The following ALG12 variants were observed in gnomAD, a reference collection of about 807,000 sequenced individuals.
The protein encoded by ALG12 is dol-P-Man:Man(7)GlcNAc(2)-PP-Dol alpha-1,6-mannosyltransferase.
Under a neutral mutation model 46.0 loss-of-function variants are expected in ALG12, and 36 were observed. The ratio of observed to expected loss-of-function variants is 0.78; its 90% CI spans 0.60 to 1.03. The LOEUF is 1.03. Among genes scored for constraint, ALG12 ranks in the 50% least tolerant of loss-of-function variants. ALG12 has a pLI of 0.00. For missense variants in ALG12, 599 were observed against 633.5 expected, an observed-to-expected ratio of 0.95 and a Z score of 0.58; for synonymous variants, 326 against 291.6, an observed-to-expected ratio of 1.12 and a Z score of -1.20.
intron 7 of ALG12, 151 bp from the exon 8 acceptor site, chr22:49,904,657 G>T: frequency 1.2e-6 from 1 of 867,118 alleles, no homozygotes; most frequent in South Asian, 1.5e-5. Flanking sequence ...TCAGTAACCC[G>T]TAAAAGTGGT....
Position 49,901,312 on chromosome 22 carries a change from G to T in ALG12, c.*2526C>A, listed in dbSNP as rs562652921. Reference sequence around the variant, plus strand: ...CACCATCTGGCCTCTGTGGGAGTCAGGAAGTGTCTGCACAGATGTTCGCCA... The same window carrying T: ...CACCATCTGGCCTCTGTGGGAGTCATGAAGTGTCTGCACAGATGTTCGCCA... On this transcript the variant is annotated 3_prime_UTR_variant, in exon 10 of 10. Coordinates refer to ENST00000330817, the MANE Select transcript of ALG12 (RefSeq NM_024105.4). 2.0e-5 allele frequency: 3 copies of T among 152,284 alleles called. No individual in the cohort carries two copies. Among genetic ancestry groups the T allele is most frequent in the Non-Finnish European group, 2.9e-5 (2 of 68,060 alleles). 9.4% of individuals were successfully genotyped at this position (152,284 alleles called of 1,614,324 possible). A position where few individuals can be genotyped will look rare whatever the true frequency, so the allele number is the denominator to read the frequency against.
At chr22:49,874,750 G>C in the ALG12 span, among the ~76,000 whole-genome samples, 1 of 126,732 alleles carries the variant, frequency 7.9e-6, no homozygotes, top group African/African-American at 3.2e-5. Context: ...CTCGATCTCA[G>C]CTCACTGCAC....
At chr22:49,868,074 T>C in the ALG12 span, among the ~76,000 whole-genome samples, 1,032 of 152,340 alleles carry the variant, frequency 6.8e-3, 9 homozygotes, top group African/African-American at 0.023. Flanking sequence ...GGTTCGTAGG[T>C]TGAACCGTCA....
At chr22:49,896,112 T>A (rs1021129690), downstream of ALG12, among the ~76,000 whole-genome samples, 5 of 152,212 alleles carry the variant, frequency 3.3e-5, no homozygotes, top group Admixed American at 2.6e-4. Context: ...TCCTGCACAG[T>A]CTGTTAACAG....
At position 49,910,454 on chromosome 22, in the gene ALG12, T is replaced by C. The variant is rs2060570009; in HGVS notation, c.449A>G (p.Asn150Ser). Residue 150 changes from asparagine (N) to serine (S), a missense_variant, in exon 4 of 10, where the codon AAT becomes AGT. Coordinates refer to ENST00000330817, the MANE Select transcript of ALG12 (RefSeq NM_024105.4). ...CGTACCTACAGGCAGGGCCAGCACA[T>C]TGGGCAGTGTCCGCGTGCAGTAGAA... ...LMFYCTRTLP[N>S]VLALPVVLLA... 3 of 1,613,450 alleles carry C rather than the reference T, an allele frequency of 1.9e-6. No homozygotes were observed. Among genetic ancestry groups the C allele is most frequent in the Admixed American group, 3.3e-5 (2 of 59,998 alleles).
At position 49,905,699 on chromosome 22, in the gene ALG12, A is replaced by T. The variant is rs1013526079; in HGVS notation, c.993-1193T>A. 2.6e-5 allele frequency among the ~76,000 whole-genome samples: 4 copies of T among 152,248 alleles called. No individual in the cohort carries two copies. Among genetic ancestry groups the T allele is most frequent in the African/African-American group, 9.6e-5 (4 of 41,466 alleles). On this transcript the variant is annotated intron_variant, in intron 7 of 9. Coordinates refer to ENST00000330817, the MANE Select transcript of ALG12 (RefSeq NM_024105.4). This position sits in a 1 kb window ranked among gnomAD's most constrained non-coding sequence, Gnocchi z 4.9. ...CAGACACCAGTACCACGCTTCCCGT[A>T]CAGCCTGCGGAACCGCGAGCCAATG...
the ALG12 span, among the ~76,000 whole-genome samples, chr22:49,891,415 TC>T: frequency 6.6e-6 from 1 of 152,202 alleles, no homozygotes; most frequent in African/African-American, 2.4e-5. Context: ...GTTCTGTTAA[TC>T]GTCAGTCCTC....
At chr22:49,916,551 G>A (rs531902394) in intron 1 of ALG12, among the ~76,000 whole-genome samples, 2 of 152,292 alleles carry the variant, frequency 1.3e-5, no homozygotes, top group East Asian at 1.9e-4. Flanking sequence ...CTGTACTCCA[G>A]CCTGGACAAC....
At chr22:49,889,830 C>T in the ALG12 span, 1 of 167,070 alleles carries the variant, frequency 6.0e-6, no homozygotes, top group Non-Finnish European at 1.5e-5. Context: ...CTTAGCCATT[C>T]CCACCTTGCC....
chr22:49,916,522 G>A (rs2060610104), intron 1 of ALG12, among the ~76,000 whole-genome samples: 1 of 152,154 alleles, frequency 6.6e-6, no homozygotes. Context: ...AGAGGTTGCA[G>A]CAAGCCAAGA....
At position 49,913,376 on chromosome 22, in the gene ALG12, C is replaced by A. The variant is rs956473296; in HGVS notation, c.295+9G>T. On this transcript the variant is annotated intron_variant, in intron 3 of 9. Coordinates refer to ENST00000330817, the MANE Select transcript of ALG12 (RefSeq NM_024105.4). ...TCACTCCCTCCTCCTTTGTTGAAGA[C>A]CCCCTTACCTATTAGCTGAGAGTAA... The A allele has an allele frequency of 1.9e-6, 3 of 1,613,598 alleles. No individual in the cohort carries two copies. The highest frequency in any genetic ancestry group is 2.5e-6 in the Non-Finnish European group (3 of 1,180,036).
At chr22:49,885,437 C>G in the ALG12 span, 1 of 1,609,780 alleles carries the variant, frequency 6.2e-7, no homozygotes, top group Non-Finnish European at 8.5e-7. Context: ...GGGAAGAAGC[C>G]GACTAACTTG....
At chr22:49,872,545 T>G in the ALG12 span, among the ~76,000 whole-genome samples, 1 of 152,156 alleles carries the variant, frequency 6.6e-6, no homozygotes, top group Non-Finnish European at 1.5e-5. Flanking sequence ...TTTGTTGTTT[T>G]TAGAGATATG....
At chr22:49,910,709 C>G (rs895591801) in intron 3 of ALG12, 102 bp from the exon 4 acceptor site, 3 of 1,373,352 alleles carry the variant, frequency 2.2e-6, no homozygotes, top group African/African-American at 2.8e-5. Context: ...ATGGAGTTTT[C>G]TATGCTGCTG....
rs537938437 is a variant in ALG12 at position 49,910,511 on chromosome 22, C to T, written c.392G>A (p.Cys131Tyr). The stretch of plus-strand genomic sequence containing the variant: ...GTGGAACTGCATGGCCGTCACCCAG[C>T]AGAACATGGTGGCCACCATGGCCCC... Reference protein sequence around the residue: ...HFGAMVATMFCWVTAMQFHLM... With the variant: ...HFGAMVATMFYWVTAMQFHLM... Residue 131 changes from cysteine to tyrosine, a missense_variant, in exon 4 of 10, where the codon TGC (cysteine) becomes TAC (tyrosine). Cys to Tyr is a radical substitution (Grantham distance 194). Transcript: ENST00000330817. 6.2e-7 allele frequency: 1 copy of T among 1,614,102 alleles called. No individual in the cohort carries two copies. The highest frequency in any genetic ancestry group is 1.1e-5 in the South Asian group (1 of 91,092).
the ALG12 span, among the ~76,000 whole-genome samples, chr22:49,873,738 C>T: frequency 6.6e-6 from 1 of 152,176 alleles, no homozygotes; most frequent in East Asian, 1.9e-4. Flanking sequence ...CCCCACCCTG[C>T]AGCCCCAAGA....
the ALG12 span, chr22:49,886,980 G>A: frequency 3.7e-6 from 6 of 1,614,122 alleles, no homozygotes; most frequent in Non-Finnish European, 5.1e-6. The surrounding 1 kb of genome is among the most constrained non-coding windows in gnomAD (Gnocchi z 7.7). Flanking sequence ...ACTGGAACCT[G>A]AAGAAGGCGT....
intron 1 of ALG12, among the ~76,000 whole-genome samples, chr22:49,916,232 G>A (rs1479969405): frequency 6.6e-6 from 1 of 151,688 alleles, no homozygotes; most frequent in Non-Finnish European, 1.5e-5. Context: ...CTGCCTGGGC[G>A]ACAGAGCAAG....
intron 4 of ALG12, 69 bp from the exon 5 acceptor site, chr22:49,910,157 A>C (rs528333339): frequency 6.7e-7 from 1 of 1,485,058 alleles, no homozygotes; most frequent in African/African-American, 1.4e-5. Context: ...CACCCGGGGA[A>C]GTGAAGGGTG....
Sources: allele counts gnomAD v4.1 joint callset (sites outside exome capture counted in the v4.1 genomes callset), GRCh38; gene constraint gnomAD v4.1.1; non-coding constraint Gnocchi (gnomAD v3.1); transcripts MANE v1.5; gene names NCBI Gene and HGNC (gene_info 2026-07-23, HGNC 2026-07-21).